RP1L1: variants seen among roughly 807,000 people sequenced by gnomAD.
The protein encoded by RP1L1 is retinitis pigmentosa 1-like 1 protein.
RP1L1 carries 27 observed loss-of-function variants against 15.7 expected under a neutral mutation model. The ratio of observed to expected loss-of-function variants is 1.72; its 90% confidence interval spans 1.27 to 2.38. The LOEUF (loss-of-function observed/expected upper bound fraction) is 2.38, where lower values mean the gene tolerates loss of function less well. Among genes scored for constraint, RP1L1 ranks in the 30% most tolerant of loss-of-function variants. The pLI is 0.00. For synonymous variants in RP1L1, 1,813 were observed against 1,276.7 expected, an observed-to-expected ratio of 1.42 and a Z score of -8.96; for missense variants, 4,798 against 3,075.9, an observed-to-expected ratio of 1.56 and a Z score of -13.24.
intron 1 of RP1L1, among the ~76,000 whole-genome samples, chr8:10,650,699 C>A (rs1798546634): frequency 6.6e-6 from 1 of 152,008 alleles, no homozygotes; most frequent in African/African-American, 2.4e-5. Context: ...GTAGCTGCAA[C>A]TACAGGTGTG....
In RP1L1 at chr8:10,609,159, G is replaced by T. The variant is rs375709672; in HGVS notation, c.4939C>A (p.Leu1647Met). ...PALSTALGSQ[L>M]GEEAEGEEFC... ...TCCTCCCCCTCCGCCTCCTCGCCCA[G>T]CTGGCTCCCCAGGGCTGTGCTGAGG... Residue 1647 changes from leucine (L) to methionine (M), a missense_variant, in exon 4 of 4, where the codon CTG becomes ATG. Transcript: ENST00000382483. 2 of 1,612,672 alleles carry T rather than the reference G, an allele frequency of 1.2e-6. No homozygotes were observed. Among genetic ancestry groups the T allele is most frequent in the African/African-American group, 1.3e-5 (1 of 74,926 alleles).
chr8:10,625,339 A>G (rs893546436), intron 1 of RP1L1, among the ~76,000 whole-genome samples: 1 of 152,204 alleles, frequency 6.6e-6, no homozygotes. Context: ...CTCTTCCTCC[A>G]GTACCACTCA....
chr8:10,651,904 A>C (rs1333342913), intron 1 of RP1L1, among the ~76,000 whole-genome samples: 2 of 152,188 alleles, frequency 1.3e-5, no homozygotes, highest in African/African-American at 4.8e-5. Context: ...TGAGATGATC[A>C]TGGCGCTGCA....
chr8:10,636,234 G>C lies in RP1L1; in HGVS notation c.-19-13014C>G, dbSNP rs1585994005. Reference sequence around the variant, plus strand: ...AGAGTTCCAGGACACCCAATATCTTGGCTTTAAAGAAGGGTTCTGGGGGCA... The same window carrying C: ...AGAGTTCCAGGACACCCAATATCTTCGCTTTAAAGAAGGGTTCTGGGGGCA... On this transcript the variant is annotated intron_variant, in intron 1 of 3. Transcript: ENST00000382483. Among the ~76,000 whole-genome samples the C allele has an allele frequency of 2.0e-5, 3 of 152,156 alleles. No individual in the cohort carries two copies. The East Asian group carries it at 5.8e-4, about 29-fold the overall frequency.
rs142074053 is a variant in RP1L1, at chr8:10,621,801, T to C, written c.609+792A>G. ...GAAAGGCAAAAATTACATTCACGCA[T>C]GTCCTTGAACTCAATAATCATAGTG... On this transcript the variant is annotated intron_variant, in intron 2 of 3. Transcript: ENST00000382483. 60 of 493,834 alleles carry C rather than the reference T, an allele frequency of 1.2e-4. No individual in the cohort carries two copies. The Middle Eastern group carries it at 1.3e-3, about 11-fold the overall frequency. The allele number at this position is 493,834 out of a possible 1,614,324, so 30.6% of individuals were successfully genotyped here. A position where few individuals can be genotyped will look rare whatever the true frequency, so the allele number is the denominator to read the frequency against.
chr8:10,631,313 A>T (rs1279968135), intron 1 of RP1L1, among the ~76,000 whole-genome samples: 2 of 81,194 alleles, frequency 2.5e-5, no homozygotes, highest in Non-Finnish European at 3.1e-5. Flanking sequence ...ATGCACACAC[A>T]CGCACACACG....
At chr8:10,628,855 C>G (rs555136295) in intron 1 of RP1L1, among the ~76,000 whole-genome samples, 5 of 152,272 alleles carry the variant, frequency 3.3e-5, no homozygotes, top group African/African-American at 1.2e-4. Flanking sequence ...TCCTGTCCAT[C>G]CCCCACAAAC....
chr8:10,639,141 C>T (rs1204298358), intron 1 of RP1L1, among the ~76,000 whole-genome samples: 1 of 126,768 alleles, frequency 7.9e-6, no homozygotes, highest in Non-Finnish European at 1.7e-5. Flanking sequence ...GAGACTGTCT[C>T]AAAAAAAAAA....
At position 10,612,432 on chromosome 8, in the gene RP1L1, G is replaced by A. The variant is rs1212058177; in HGVS notation, c.1666C>T (p.Pro556Ser). 1 of 1,612,542 alleles carries A rather than the reference G, an allele frequency of 6.2e-7. No homozygotes were observed. The highest frequency in any genetic ancestry group is 8.5e-7 in the Non-Finnish European group (1 of 1,180,028). ...SEWGGRPQGC[P>S]GKARAETSQQ... is the part of the protein sequence containing the mutation. ...GAGGTCTCGGCCCTTGCCTTGCCTG[G>A]ACAGCCCTGGGGCCGCCCACCCCAT... Residue 556 changes from proline (P) to serine (S), a missense_variant, in exon 4 of 4, where the codon CCA (proline) becomes TCA (serine). Transcript: ENST00000382483.
rs1174273446 is a variant in RP1L1 at position 10,609,097 on chromosome 8, C to T, written c.5001G>A (p.Val1667=). The T allele has an allele frequency of 3.1e-6, 5 of 1,613,590 alleles. No homozygotes were observed. The highest frequency in any genetic ancestry group is 3.4e-6 in the Non-Finnish European group (4 of 1,179,592). Residue 1667 remains valine (V), a synonymous_variant, in exon 4 of 4, where the codon GTG becomes GTA. Transcript: ENST00000382483. ...CPCEACVRKK[V]SPMSPKATMG... ...TTGTGGCCTTGGGGGACATAGGGCT[C>T]ACTTTCTTCCTCACGCAGGCCTCGC...
intron 1 of RP1L1, among the ~76,000 whole-genome samples, chr8:10,642,671 C>T (rs1015137516): frequency 6.6e-6 from 1 of 152,110 alleles, no homozygotes; most frequent in Non-Finnish European, 1.5e-5. Context: ...TATAATTCAC[C>T]ACATTGCTCT....
intron 1 of RP1L1, among the ~76,000 whole-genome samples, chr8:10,643,837 G>T (rs1355118384): frequency 1.3e-5 from 2 of 152,038 alleles, no homozygotes; most frequent in Non-Finnish European, 2.9e-5. Context: ...CCAGGAACAT[G>T]TCGATAGTGC....
chr8:10,646,675 C>T (rs1798483318), intron 1 of RP1L1, among the ~76,000 whole-genome samples: 1 of 152,098 alleles, frequency 6.6e-6, no homozygotes, highest in African/African-American at 2.4e-5. Context: ...GGAAGGGCCT[C>T]TCCTGCCCAC....
chr8:10,653,191 G>A (rs1798587677), intron 1 of RP1L1, among the ~76,000 whole-genome samples: 1 of 152,196 alleles, frequency 6.6e-6, no homozygotes, highest in Non-Finnish European at 1.5e-5. Flanking sequence ...AAGTAACCAA[G>A]ATGATTAAAG....
intron 1 of RP1L1, among the ~76,000 whole-genome samples, chr8:10,630,952 A>G (rs1798231519): frequency 6.6e-6 from 1 of 152,202 alleles, no homozygotes; most frequent in African/African-American, 2.4e-5. Flanking sequence ...GTGCACCAGC[A>G]GAGTGGGGCT....
rs758947127 is a variant in RP1L1, at chr8:10,616,541, C to T, written c.656G>A (p.Cys219Tyr). The T allele has an allele frequency of 6.2e-7, 1 of 1,614,058 alleles. No homozygotes were observed. Among genetic ancestry groups the T allele is most frequent in the East Asian group, 2.2e-5 (1 of 44,876 alleles). ...GGTTCTGAAGGCCTCATGCCCGGCA[C>T]ACACCAGCACAGAGGGGCTGTGCAG... ...ALLHSPSVLV[C>Y]AGHEAFRTPA... Residue 219 changes from cysteine (C) to tyrosine (Y), a missense_variant, in exon 3 of 4, where the codon TGT becomes TAT. By Grantham distance (194) the Cys-to-Tyr change is radical (BLOSUM62 -2). Coordinates refer to ENST00000382483, the MANE Select transcript of RP1L1 (RefSeq NM_178857.6).
In RP1L1 at chr8:10,622,929, G is replaced by A. The variant is rs201810499; in HGVS notation, c.273C>T (p.Ser91=). Residue 91 remains serine, a synonymous_variant, in exon 2 of 4, where the codon AGC becomes AGT. Transcript: ENST00000382483. ...VTTPRGLHSL[S]ALEQLEDGGC... is the part of the protein sequence containing the mutation. ...CTCCATCTTCCAGCTGCTCCAGGGCGCTGAGGCTATGCAGGCCCCGGGGTG... is the reference window on the plus strand; with the variant it reads ...CTCCATCTTCCAGCTGCTCCAGGGCACTGAGGCTATGCAGGCCCCGGGGTG... 2.6e-3 allele frequency: 4,251 copies of A among 1,614,030 alleles called. 10 individuals are homozygous for A. The highest frequency in any genetic ancestry group is 3.0e-3 in the Non-Finnish European group (3,573 of 1,179,974).
Position 10,611,893 on chromosome 8 carries a change from G to A in RP1L1, c.2205C>T (p.Thr735=), listed in dbSNP as rs769558246. ...GSLPSQDLLG[T]SSATVTPAVH... is the part of the protein sequence containing the mutation. Reference sequence around the variant, plus strand: ...CTGCAGGGGTGACAGTGGCACTGCTGGTTCCCAGAAGGTCCTGGGAAGGAA... The same window carrying A: ...CTGCAGGGGTGACAGTGGCACTGCTAGTTCCCAGAAGGTCCTGGGAAGGAA... The change falls in exon 4 of 4, where the codon ACC becomes ACT. Residue 735 remains threonine, a synonymous_variant. Transcript: ENST00000382483. 4.3e-6 allele frequency: 7 copies of A among 1,613,892 alleles called. No homozygotes were observed. In the East Asian group the frequency reaches 1.3e-4, roughly 31 times the overall value.
At chr8:10,613,949 C>T (rs1689089330) in intron 3 of RP1L1, among the ~76,000 whole-genome samples, 1 of 152,184 alleles carries the variant, frequency 6.6e-6, no homozygotes, top group Non-Finnish European at 1.5e-5. Context: ...TTTGGCAGAG[C>T]CTGTTTTCTG....
Sources: allele counts gnomAD v4.1 joint callset (sites outside exome capture counted in the v4.1 genomes callset), GRCh38; gene constraint gnomAD v4.1.1; transcripts MANE v1.5; gene names NCBI Gene and HGNC (gene_info 2026-07-23, HGNC 2026-07-21).